The following TSNARE1 variants were observed in gnomAD, a reference collection of about 807,000 sequenced individuals.
The protein encoded by TSNARE1 is t-SNARE domain containing 1.
A neutral mutation model predicts 62.0 loss-of-function variants in TSNARE1; 49 were observed. The ratio of observed to expected loss-of-function variants is 0.79; its 90% CI spans 0.63 to 1.00. TSNARE1 has a LOEUF of 1.00. Ranked by LOEUF, TSNARE1 falls within the 50% of genes least tolerant of loss-of-function variation. The probability of loss-of-function intolerance (pLI) is 0.00; values close to 1 mark genes in which losing one functional copy is unlikely to be tolerated. For synonymous variants in TSNARE1, 328 were observed against 294.4 expected (o/e 1.11, Z -1.17); for missense variants, 755 against 700.1 (o/e 1.08, Z -0.88).
At chr8:142,394,155 T>A (rs1328031617) in intron 1 of TSNARE1, among the ~76,000 whole-genome samples, 1 of 152,216 alleles carries the variant, frequency 6.6e-6, no homozygotes, top group Non-Finnish European at 1.5e-5. Context: ...GCCCCACGCT[T>A]ATGCCTGCGG....
rs565252230 is a variant in TSNARE1 at position 142,319,233 on chromosome 8, G to T, written c.894-599C>A. Among the ~76,000 whole-genome samples the T allele has an allele frequency of 1.4e-4, 21 of 152,208 alleles. No individual in the cohort carries two copies. The South Asian group carries it at 4.4e-3, about 32-fold the overall frequency. ...TCCCTGCAGAAAGGCCCGTCTCGGG[G>T]TCAGCTCCCCTCGGAAAGCCAGCAG... is the stretch of plus-strand genomic sequence containing the variant. On this transcript the variant is annotated intron_variant, in intron 6 of 13. Transcript: ENST00000524325. This position sits in a 1 kb window ranked among gnomAD's most constrained non-coding sequence, Gnocchi z 4.9.
At chr8:142,339,977 G>C (rs553570142) in intron 4 of TSNARE1, among the ~76,000 whole-genome samples, 2 of 152,354 alleles carry the variant, frequency 1.3e-5, no homozygotes, top group East Asian at 3.9e-4. Flanking sequence ...TTCCCAACAG[G>C]GGCTGATGAT....
At chr8:142,395,734 G>A (rs1004356152) in intron 1 of TSNARE1, among the ~76,000 whole-genome samples, 2 of 152,154 alleles carry the variant, frequency 1.3e-5, no homozygotes, top group South Asian at 2.1e-4. Context: ...AGCACACCAC[G>A]CTCATCAGCA....
chr8:142,375,091 G>C (rs1836229882), intron 1 of TSNARE1, among the ~76,000 whole-genome samples: 2 of 152,236 alleles, frequency 1.3e-5, no homozygotes, highest in South Asian at 4.1e-4. Context: ...AACAGAAGTG[G>C]GTCTCACACA....
chr8:142,324,801 T>C (rs1829964273), intron 6 of TSNARE1, among the ~76,000 whole-genome samples: 1 of 152,186 alleles, frequency 6.6e-6, no homozygotes, highest in Admixed American at 6.5e-5. Flanking sequence ...ACACTCGCCC[T>C]GGAAGGCACC....
chr8:142,290,284 G>A (rs556194283), intron 10 of TSNARE1, among the ~76,000 whole-genome samples: 2 of 152,318 alleles, frequency 1.3e-5, no homozygotes, highest in East Asian at 1.9e-4. Flanking sequence ...TTCTGGTGCT[G>A]TTCTCGGGGG....
At chr8:142,270,589 A>G (rs1411296286) in intron 12 of TSNARE1, 1 of 985,088 alleles carries the variant, frequency 1.0e-6, no homozygotes, top group Non-Finnish European at 1.2e-6. Flanking sequence ...CGTAGGGCAG[A>G]GGAGCCCTGC....
intron 1 of TSNARE1, among the ~76,000 whole-genome samples, chr8:142,386,735 C>T (rs540885740): frequency 6.6e-6 from 1 of 152,264 alleles, no homozygotes; most frequent in Admixed American, 6.5e-5. Flanking sequence ...CAAAGAAGGG[C>T]ACTTTGATCC....
Position 142,300,568 on chromosome 8 carries a change from TG to T in TSNARE1, c.1207del (p.Gln403ArgfsTer34). The T allele has an allele frequency of 6.2e-7, 1 of 1,613,282 alleles. No homozygotes were observed. Among genetic ancestry groups the T allele is most frequent in the Non-Finnish European group, 8.5e-7 (1 of 1,179,986 alleles). On this transcript the variant is annotated frameshift_variant, in exon 10 of 14. Coordinates refer to ENST00000524325, the MANE Select transcript of TSNARE1 (RefSeq NM_145003.5). LOFTEE classifies it high-confidence loss of function. ...FNGSDNMWQG[Q>X]EQALLPDITE... ...GATGTCCGGGAGCAGCGCCTGCTCC[TG>T]GCCCTGCCACATGTTGTCACTCCCG...
At chr8:142,361,253 G>A (rs888133266) in intron 1 of TSNARE1, among the ~76,000 whole-genome samples, 1 of 152,260 alleles carries the variant, frequency 6.6e-6, no homozygotes, top group Non-Finnish European at 1.5e-5. Context: ...CTGTGCTCCA[G>A]ATGGGGACAG....
intron 6 of TSNARE1, among the ~76,000 whole-genome samples, chr8:142,322,998 T>A (rs1829704029): frequency 1.3e-5 from 2 of 151,690 alleles, no homozygotes; most frequent in Non-Finnish European, 1.5e-5. Context: ...TCTGGCCGTG[T>A]CTGTGGGCTG....
chr8:142,344,231 C>G lies in TSNARE1; in HGVS notation c.480G>C (p.Arg160Ser), dbSNP rs376744930. The G allele has an allele frequency of 1.2e-6, 2 of 1,612,942 alleles. No homozygotes were observed. The highest frequency in any genetic ancestry group is 1.7e-6 in the Non-Finnish European group (2 of 1,179,512). Reference protein sequence around the residue: ...TGLLKAEPTRRYRVWSRILQA... With the variant: ...TGLLKAEPTRSYRVWSRILQA... Reference sequence around the variant, plus strand: ...GCAGGATGCGGCTCCACACGCGGTACCTGCGAGTGGGCTCGGCCTTCAGCA... The same window carrying G: ...GCAGGATGCGGCTCCACACGCGGTAGCTGCGAGTGGGCTCGGCCTTCAGCA... The change falls in exon 4 of 14, where the codon AGG becomes AGC. Residue 160 changes from arginine (R) to serine (S), a missense_variant. Transcript: ENST00000524325.
chr8:142,236,376 G>T (rs1343571817), intron 12 of TSNARE1, among the ~76,000 whole-genome samples: 1 of 151,936 alleles, frequency 6.6e-6, no homozygotes, highest in Non-Finnish European at 1.5e-5. Context: ...CCAGGGCTGA[G>T]CCCAGGACTG....
chr8:142,364,720 A>G (rs896293402), intron 1 of TSNARE1, among the ~76,000 whole-genome samples: 11 of 152,244 alleles, frequency 7.2e-5, no homozygotes. Context: ...CACAAGAACC[A>G]GCTTGAAAAG....
At chr8:142,249,128 C>T (rs755336680) in intron 12 of TSNARE1, among the ~76,000 whole-genome samples, 7 of 152,258 alleles carry the variant, frequency 4.6e-5, no homozygotes, top group Non-Finnish European at 7.3e-5. Flanking sequence ...CCCTTCCTCA[C>T]GGGGCCACGC....
intron 13 of TSNARE1, among the ~76,000 whole-genome samples, chr8:142,224,836 G>T (rs903096563): frequency 1.3e-5 from 2 of 152,152 alleles, no homozygotes; most frequent in South Asian, 4.1e-4. Context: ...CAGTCTTGGT[G>T]GGTCTGGGCA....
chr8:142,353,754 G>T (rs1834412588), intron 2 of TSNARE1, among the ~76,000 whole-genome samples: 1 of 152,184 alleles, frequency 6.6e-6, no homozygotes, highest in Non-Finnish European at 1.5e-5. Flanking sequence ...CTGCAAGGGA[G>T]GAACCACCCC....
chr8:142,347,580 T>G (rs977796524), intron 2 of TSNARE1, among the ~76,000 whole-genome samples: 1 of 152,070 alleles, frequency 6.6e-6, no homozygotes, highest in Non-Finnish European at 1.5e-5. Context: ...CAGCCTCTGC[T>G]CAGAAATGGG....
chr8:142,273,736 TC>T (rs1387201064), intron 12 of TSNARE1: 6 of 985,240 alleles, frequency 6.1e-6, no homozygotes, highest in African/African-American at 5.2e-5. Context: ...CTGGGGAAGC[TC>T]AAGGCAGCCC....
Sources: gnomAD v4.1 joint callset for allele counts (sites outside exome capture counted in the v4.1 genomes callset) on GRCh38, gnomAD v4.1.1 for gene constraint, Gnocchi (gnomAD v3.1) non-coding constraint, MANE v1.5 for transcripts, NCBI Gene and HGNC (gene_info 2026-07-23, HGNC 2026-07-21) for gene names.